The following CACNA1D variants were observed in gnomAD, a reference collection of about 807,000 sequenced individuals.
The protein encoded by CACNA1D is voltage-dependent L-type calcium channel subunit alpha-1D.
Under a neutral mutation model 257.1 loss-of-function variants are expected in CACNA1D, and 55 were observed. The ratio of observed to expected loss-of-function variants is 0.21; its 90% CI spans 0.17 to 0.27. CACNA1D has a LOEUF of 0.27. CACNA1D is among the 10% of genes least tolerant of loss of function. The probability of loss-of-function intolerance (pLI) is 1.00; values close to 1 mark genes in which losing one functional copy is unlikely to be tolerated. For missense variants in CACNA1D, 1,876 were observed against 2,784.0 expected, an observed-to-expected ratio of 0.67 and a Z score of 7.34; for synonymous variants, 980 against 1,014.9, an observed-to-expected ratio of 0.97 and a Z score of 0.65.
chr3:53,507,239 A>G (rs1177303911), intron 3 of CACNA1D, among the ~76,000 whole-genome samples: 1 of 152,164 alleles, frequency 6.6e-6, no homozygotes, highest in Non-Finnish European at 1.5e-5. Context: ...CTCTTTTGTT[A>G]AGCCTTACGT....
chr3:53,561,296 A>G (rs148620242), intron 3 of CACNA1D, among the ~76,000 whole-genome samples: 16 of 152,340 alleles, frequency 1.1e-4, no homozygotes, highest in Admixed American at 3.3e-4. Context: ...TGAAAGCCTT[A>G]TACTTTAAGA....
rs192478951 is a variant in CACNA1D, at chr3:53,650,975, G to T, written c.623+57G>T. ...TTTGGAAAATGGGAGGTGGAGGTTG[G>T]GGGGGGTGGTGGTAACAAAACAGTC... On this transcript the variant is annotated intron_variant, in intron 4 of 47. Coordinates refer to ENST00000350061, the MANE Select transcript of CACNA1D (RefSeq NM_001128840.3). 635 of 1,456,728 alleles carry T rather than the reference G, an allele frequency of 4.4e-4. 4 individuals are homozygous for T. The African/African-American group carries it at 7.2e-3, about 17-fold the overall frequency. The allele number at this position is 1,456,728 out of a possible 1,614,324, so 90.2% of individuals were successfully genotyped here. A position where few individuals can be genotyped will look rare whatever the true frequency, so the allele number is the denominator to read the frequency against.
At chr3:53,564,108 A>G (rs1481169259) in intron 3 of CACNA1D, among the ~76,000 whole-genome samples, 2 of 152,132 alleles carry the variant, frequency 1.3e-5, no homozygotes, top group Non-Finnish European at 2.9e-5. Flanking sequence ...TAATATAGCC[A>G]TTTAGTTTTC....
At chr3:53,732,321 C>T (rs756031839) in intron 18 of CACNA1D, among the ~76,000 whole-genome samples, 1 of 152,234 alleles carries the variant, frequency 6.6e-6, no homozygotes, top group Non-Finnish European at 1.5e-5. Flanking sequence ...CCAGCTTCTG[C>T]TGGGAGACTG....
chr3:53,598,328 C>A (rs1392893047), intron 3 of CACNA1D, among the ~76,000 whole-genome samples: 2 of 151,842 alleles, frequency 1.3e-5, no homozygotes, highest in East Asian at 3.9e-4. Flanking sequence ...GTAATCCCAG[C>A]ACTTTAGGAG....
chr3:53,637,548 A>G (rs1323759834), intron 3 of CACNA1D, among the ~76,000 whole-genome samples: 1 of 152,134 alleles, frequency 6.6e-6, no homozygotes. Context: ...ATAATCCCCT[A>G]GTAACTCCTC....
At chr3:53,618,968 A>C (rs1350714746) in intron 3 of CACNA1D, among the ~76,000 whole-genome samples, 2 of 152,140 alleles carry the variant, frequency 1.3e-5, no homozygotes, top group Admixed American at 1.3e-4. Flanking sequence ...GGGATGATGC[A>C]CTTGTACCCC....
intron 37 of CACNA1D, among the ~76,000 whole-genome samples, chr3:53,777,506 G>C (rs2095404380): frequency 1.3e-5 from 2 of 152,216 alleles, no homozygotes; most frequent in South Asian, 4.1e-4. Context: ...CAGCAGAAGT[G>C]GGAAGAGATA....
At chr3:53,579,882 A>G (rs999643902) in intron 3 of CACNA1D, among the ~76,000 whole-genome samples, 3 of 152,226 alleles carry the variant, frequency 2.0e-5, no homozygotes, top group African/African-American at 7.2e-5. Flanking sequence ...CAGGCCCCGG[A>G]TGCTGTGCTG....
At chr3:53,798,589 T>C (rs2095519928) in intron 40 of CACNA1D, among the ~76,000 whole-genome samples, 1 of 152,186 alleles carries the variant, frequency 6.6e-6, no homozygotes, top group Admixed American at 6.5e-5. Context: ...ATTCACTAAA[T>C]GGAAAGATCT....
chr3:53,619,814 C>A (rs1452494986), intron 3 of CACNA1D, among the ~76,000 whole-genome samples: 1 of 152,202 alleles, frequency 6.6e-6, no homozygotes, highest in East Asian at 1.9e-4. Flanking sequence ...ATGGTCTCTT[C>A]CAACCAGAAA....
At chr3:53,505,119 T>A (rs1305183342) in intron 3 of CACNA1D, among the ~76,000 whole-genome samples, 3 of 145,044 alleles carry the variant, frequency 2.1e-5, no homozygotes, top group South Asian at 2.3e-4. Context: ...TTATTTGTTT[T>A]TTTTTTTTTT....
chr3:53,718,890 A>G (rs2094851045), intron 10 of CACNA1D: 1 of 704,500 alleles, frequency 1.4e-6, no homozygotes, highest in Non-Finnish European at 2.4e-6. Flanking sequence ...TGGCGGTTGG[A>G]TGACGAGGCC....
rs139113951 is a variant in CACNA1D at position 53,677,514 on chromosome 3, C to G, written c.1220+4388C>G. Among the ~76,000 whole-genome samples the G allele has an allele frequency of 2.0e-3, 306 of 152,334 alleles. 3 individuals are homozygous for G. The highest frequency in any genetic ancestry group is 6.9e-3 in the African/African-American group (285 of 41,570). On this transcript the variant is annotated intron_variant, in intron 8 of 47. Coordinates refer to ENST00000350061, the MANE Select transcript of CACNA1D (RefSeq NM_001128840.3). Reference sequence around the variant, plus strand: ...ATCCTTATCTTAAATCCGTGGATATCCCCCACTCCCCTCACTGGGTTAGGT... The same window carrying G: ...ATCCTTATCTTAAATCCGTGGATATGCCCCACTCCCCTCACTGGGTTAGGT...
chr3:53,677,210 A>G (rs910655445), intron 8 of CACNA1D, among the ~76,000 whole-genome samples: 9 of 152,010 alleles, frequency 5.9e-5, no homozygotes, highest in African/African-American at 2.2e-4. Context: ...AGCCATCCCT[A>G]TGGTGGCAGT....
At chr3:53,579,115 G>A (rs1314330270) in intron 3 of CACNA1D, among the ~76,000 whole-genome samples, 1 of 152,222 alleles carries the variant, frequency 6.6e-6, no homozygotes, top group Non-Finnish European at 1.5e-5. Flanking sequence ...AGGCCTGCAG[G>A]TGACTTCCAG....
intron 3 of CACNA1D, among the ~76,000 whole-genome samples, chr3:53,587,154 G>A (rs2093232351): frequency 1.3e-5 from 2 of 152,236 alleles, no homozygotes; most frequent in Non-Finnish European, 2.9e-5. Context: ...TAGAAAGACT[G>A]CTGTGGCTAT....
At chr3:53,787,606 T>C (rs2095462383) in intron 40 of CACNA1D, among the ~76,000 whole-genome samples, 1 of 152,094 alleles carries the variant, frequency 6.6e-6, no homozygotes, top group African/African-American at 2.4e-5. Flanking sequence ...AGAGTGTGGA[T>C]GTGGCTTTCA....
At chr3:53,527,612 T>G (rs1382378982) in intron 3 of CACNA1D, among the ~76,000 whole-genome samples, 1 of 152,164 alleles carries the variant, frequency 6.6e-6, no homozygotes, top group Admixed American at 6.5e-5. Context: ...CTCAGGGAGG[T>G]TGGGCTGCTG....
Sources: allele counts gnomAD v4.1 joint callset (sites outside exome capture counted in the v4.1 genomes callset), GRCh38; gene constraint gnomAD v4.1.1; transcripts MANE v1.5; gene names NCBI Gene and HGNC (gene_info 2026-07-23, HGNC 2026-07-21).